Variants in FHIT observed in about 807,000 individuals in gnomAD.
FHIT encodes fragile histidine triad diadenosine triphosphatase, also known as bis(5'-adenosyl)-triphosphatase.
A neutral mutation model predicts 17.9 loss-of-function variants in FHIT; 19 were observed. That is an observed-to-expected ratio of 1.06 (90% CI 0.74 to 1.56). The LOEUF (loss-of-function observed/expected upper bound fraction) is 1.56. FHIT is among the 40% of genes most tolerant of loss of function. The pLI is 0.00. For synonymous variants in FHIT, 81 were observed against 69.7 expected, an observed-to-expected ratio of 1.16 and a Z score of -0.81; for missense variants, 248 against 189.2, an observed-to-expected ratio of 1.31 and a Z score of -1.82.
chr3:59,870,871 G>C (rs1052646897), intron 8 of FHIT, among the ~76,000 whole-genome samples: 1 of 127,558 alleles, frequency 7.8e-6, no homozygotes, highest in Non-Finnish European at 1.8e-5. Flanking sequence ...GTGTGTGTGT[G>C]TGCGTGTGTG....
At chr3:61,056,916 G>A (rs1463214034) in intron 2 of FHIT, among the ~76,000 whole-genome samples, 1 of 152,120 alleles carries the variant, frequency 6.6e-6, no homozygotes, top group Admixed American at 6.5e-5. Context: ...TGTTTTAGCT[G>A]TCACAAGCAA....
At chr3:61,213,683 C>T (rs1273780370) in intron 1 of FHIT, among the ~76,000 whole-genome samples, 3 of 152,188 alleles carry the variant, frequency 2.0e-5, no homozygotes, top group Admixed American at 1.3e-4. Flanking sequence ...AACTCTGCAT[C>T]CCAAAACAAC....
intron 4 of FHIT, among the ~76,000 whole-genome samples, chr3:60,676,613 T>A (rs1177090073): frequency 6.6e-6 from 1 of 151,876 alleles, no homozygotes; most frequent in East Asian, 1.9e-4. Flanking sequence ...CAAAAATGAG[T>A]TACCCAACAA....
chr3:60,764,555 G>A (rs1256363524), intron 4 of FHIT, among the ~76,000 whole-genome samples: 5 of 152,038 alleles, frequency 3.3e-5, no homozygotes, highest in African/African-American at 4.8e-5. Context: ...GAAAAAATAC[G>A]AAGAAAAGTT....
chr3:60,037,206 A>G (rs1011231501), intron 5 of FHIT, among the ~76,000 whole-genome samples: 3 of 152,144 alleles, frequency 2.0e-5, no homozygotes, highest in South Asian at 2.1e-4. Flanking sequence ...TCATTTTATC[A>G]TGCACTCTTT....
chr3:60,151,465 C>T (rs1158737755), intron 5 of FHIT, among the ~76,000 whole-genome samples: 1 of 152,084 alleles, frequency 6.6e-6, no homozygotes, highest in Non-Finnish European at 1.5e-5. Flanking sequence ...TTCAAAGAAC[C>T]AGTAAATTCT....
At chr3:59,928,672 C>T (rs1705794173) in intron 7 of FHIT, among the ~76,000 whole-genome samples, 1 of 152,094 alleles carries the variant, frequency 6.6e-6, no homozygotes, top group South Asian at 2.1e-4. Context: ...AAGACAATAC[C>T]ACTTAACACA....
At chr3:60,019,218 G>T (rs1700460022) in intron 5 of FHIT, among the ~76,000 whole-genome samples, 1 of 152,052 alleles carries the variant, frequency 6.6e-6, no homozygotes, top group African/African-American at 2.4e-5. Flanking sequence ...CATTCTATCG[G>T]TCAAAGAAAA....
At chr3:60,360,670 C>G (rs1175691216) in intron 5 of FHIT, among the ~76,000 whole-genome samples, 2 of 152,194 alleles carry the variant, frequency 1.3e-5, no homozygotes, top group Middle Eastern at 3.2e-3. Context: ...CTCTTCCCTT[C>G]ACCAAGTCAT....
chr3:60,376,735 C>A (rs749984263), intron 5 of FHIT, among the ~76,000 whole-genome samples: 1 of 152,132 alleles, frequency 6.6e-6, no homozygotes, highest in Non-Finnish European at 1.5e-5. Flanking sequence ...TCCTTTAAAA[C>A]GTATTACCTT....
chr3:59,900,778 T>C (rs1704292726), intron 8 of FHIT, among the ~76,000 whole-genome samples: 1 of 152,142 alleles, frequency 6.6e-6, no homozygotes, highest in Non-Finnish European at 1.5e-5. Context: ...CATGCTTGGC[T>C]ACTTTTTGTA....
chr3:60,955,608 A>ATATATG (rs1559862230), intron 3 of FHIT, among the ~76,000 whole-genome samples: 1 of 9,672 alleles, frequency 1.0e-4, no homozygotes, highest in Non-Finnish European at 3.3e-4. Flanking sequence ...ATATATATAT[A>ATATATG]TATATATATA....
At chr3:61,162,648 G>C (rs2037730274) in intron 2 of FHIT, among the ~76,000 whole-genome samples, 1 of 152,092 alleles carries the variant, frequency 6.6e-6, no homozygotes, top group Non-Finnish European at 1.5e-5. Flanking sequence ...GAATATAAAG[G>C]ATCCCATTTC....
At chr3:60,644,754 AC>A (rs1483031920) in intron 4 of FHIT, among the ~76,000 whole-genome samples, 3 of 152,210 alleles carry the variant, frequency 2.0e-5, no homozygotes, top group African/African-American at 7.2e-5. Context: ...AACAAACTCC[AC>A]AACCATGTTG....
chr3:60,782,235 G>GTATATATA lies in FHIT; in HGVS notation c.-18+39683_-18+39684insTATATATA, dbSNP rs879948599. Among the ~76,000 whole-genome samples, 194 of 76,212 alleles carry GTATATATA rather than the reference G, an allele frequency of 2.5e-3. 1 individual carries two copies. Among genetic ancestry groups the GTATATATA allele is most frequent in the South Asian group, 6.1e-3 (20 of 3,264 alleles). 50.0% of individuals were successfully genotyped at this position (76,212 alleles called of 152,430 possible). ...AATATTTCATTGTGTGTGTGTGTGT[G>GTATATATA]TGTATATATATATATATATCACATT... is the stretch of plus-strand genomic sequence containing the variant. On this transcript the variant is annotated intron_variant, in intron 4 of 9. Coordinates refer to ENST00000492590, the MANE Select transcript of FHIT (RefSeq NM_002012.4).
intron 3 of FHIT, among the ~76,000 whole-genome samples, chr3:60,869,185 C>T (rs1426574202): frequency 6.6e-6 from 1 of 152,256 alleles, no homozygotes; most frequent in South Asian, 2.1e-4. Flanking sequence ...AATCTCCTAA[C>T]CCCCTGTGGA....
intron 1 of FHIT, among the ~76,000 whole-genome samples, chr3:61,220,403 A>C (rs1191271957): frequency 6.6e-6 from 1 of 152,232 alleles, no homozygotes; most frequent in Non-Finnish European, 1.5e-5. Flanking sequence ...ACATAGCAGC[A>C]AAGGCCCCAA....
intron 5 of FHIT, among the ~76,000 whole-genome samples, chr3:60,022,310 T>C (rs113009651): frequency 0.027 from 4,090 of 152,302 alleles, 114 homozygotes; most frequent in South Asian, 0.13. Flanking sequence ...GATATGGCAG[T>C]CATTAGTGCT....
chr3:59,983,276 T>A (rs1575815038), intron 7 of FHIT, among the ~76,000 whole-genome samples: 2 of 152,222 alleles, frequency 1.3e-5, no homozygotes, highest in East Asian at 3.9e-4. Flanking sequence ...AGGGGTATAT[T>A]TATTGGTTCA....
Sources: gnomAD v4.1 joint callset for allele counts (sites outside exome capture counted in the v4.1 genomes callset) on GRCh38, gnomAD v4.1.1 for gene constraint, MANE v1.5 for transcripts, NCBI Gene and HGNC (gene_info 2026-07-23, HGNC 2026-07-21) for gene names.